TNR: variants seen among roughly 807,000 people sequenced by gnomAD.
TNR encodes tenascin R.
TNR carries 45 observed loss-of-function variants against 150.4 expected under a neutral mutation model. That is an observed-to-expected ratio of 0.30 (90% CI 0.24 to 0.38). The LOEUF (loss-of-function observed/expected upper bound fraction) is 0.38, where lower values mean the gene tolerates loss of function less well. Among genes scored for constraint, TNR ranks in the 10% least tolerant of loss-of-function variants. The pLI is 1.00. For synonymous variants in TNR, 687 were observed against 678.4 expected (o/e 1.01, Z -0.20); for missense variants, 1,544 against 1,759.1 (o/e 0.88, Z 2.19).
chr1:175,493,427 T>C (rs1036546804), intron 2 of TNR, among the ~76,000 whole-genome samples: 1 of 152,112 alleles, frequency 6.6e-6, no homozygotes, highest in African/African-American at 2.4e-5. Context: ...AAGTGAGAGG[T>C]GAGTGCCTCA....
At chr1:175,529,582 A>G (rs1659985241) in intron 1 of TNR, among the ~76,000 whole-genome samples, 1 of 152,230 alleles carries the variant, frequency 6.6e-6, no homozygotes, top group African/African-American at 2.4e-5. Context: ...TATAAATGCC[A>G]GGTATTTTTC....
At chr1:175,507,652 A>G (rs1328214180) in intron 2 of TNR, among the ~76,000 whole-genome samples, 1 of 151,952 alleles carries the variant, frequency 6.6e-6, no homozygotes, top group Non-Finnish European at 1.5e-5. Context: ...TCAGCCTCAC[A>G]TGTTTTCCCA....
intron 2 of TNR, among the ~76,000 whole-genome samples, chr1:175,426,200 A>G (rs1654960850): frequency 6.6e-6 from 1 of 152,258 alleles, no homozygotes; most frequent in African/African-American, 2.4e-5. Flanking sequence ...TCTGGAGAGG[A>G]CACTTTTATG....
At chr1:175,376,786 T>C (rs1652406388) in intron 9 of TNR, among the ~76,000 whole-genome samples, 1 of 151,694 alleles carries the variant, frequency 6.6e-6, no homozygotes, top group Non-Finnish European at 1.5e-5. Context: ...TAAATTATGT[T>C]AAGCTATTTG....
chr1:175,471,094 G>A (rs939803626), intron 2 of TNR, among the ~76,000 whole-genome samples: 13 of 152,316 alleles, frequency 8.5e-5, no homozygotes, highest in East Asian at 3.9e-4. Flanking sequence ...GTTAGTCAGC[G>A]AAGAGAGAAG....
chr1:175,417,043 GA>G (rs1433547637), intron 2 of TNR, among the ~76,000 whole-genome samples: 2 of 99,934 alleles, frequency 2.0e-5, no homozygotes, highest in Non-Finnish European at 4.4e-5. Flanking sequence ...AAGAAAGAAA[GA>G]AAGAAAGAAA....
chr1:175,519,914 T>G (rs1014910542), intron 2 of TNR, among the ~76,000 whole-genome samples: 1 of 152,214 alleles, frequency 6.6e-6, no homozygotes, highest in East Asian at 1.9e-4. Flanking sequence ...AGGGTAGTGC[T>G]TGTGTGAAGG....
intron 20 of TNR, among the ~76,000 whole-genome samples, chr1:175,331,205 C>CCTTCCTTCCTTT (rs1649901400): frequency 7.3e-6 from 1 of 136,132 alleles, no homozygotes; most frequent in African/African-American, 2.8e-5. Flanking sequence ...TTCCTTCCTT[C>CCTTCCTTCCTTT]CTTCCTTCCT....
chr1:175,331,415 C>A (rs1649923764), intron 20 of TNR, among the ~76,000 whole-genome samples: 2 of 152,006 alleles, frequency 1.3e-5, no homozygotes, highest in African/African-American at 2.4e-5. Context: ...AGGCACACGC[C>A]ACCATGCCCA....
intron 2 of TNR, 55 bp from the exon 3 acceptor site, chr1:175,406,832 T>C: frequency 7.4e-7 from 1 of 1,359,546 alleles, no homozygotes; most frequent in Non-Finnish European, 1.0e-6. Context: ...CTTGGCACCA[T>C]GGCTCTGCAC....
chr1:175,538,350 A>G (rs1049303558), intron 1 of TNR, among the ~76,000 whole-genome samples: 5 of 149,992 alleles, frequency 3.3e-5, no homozygotes, highest in Non-Finnish European at 5.9e-5. Context: ...GTTTCCTGAG[A>G]AAAAAAAGGT....
intron 1 of TNR, among the ~76,000 whole-genome samples, chr1:175,553,456 A>T (rs1029891766): frequency 5.9e-5 from 9 of 152,142 alleles, no homozygotes; most frequent in Non-Finnish European, 1.2e-4. Flanking sequence ...GCCGTTTACC[A>T]CTGGGGCCCT....
intron 2 of TNR, among the ~76,000 whole-genome samples, chr1:175,475,481 C>T (rs1209166329): frequency 6.6e-6 from 1 of 152,174 alleles, no homozygotes; most frequent in African/African-American, 2.4e-5. Context: ...CCTTAAAAAC[C>T]TGATCTTTTA....
Position 175,337,609 on chromosome 1 carries a change from A to G in TNR, c.3453T>C (p.Val1151=). ...HLMNGDTLSG[V]YPIFLNGELS... The stretch of plus-strand genomic sequence containing the variant: ...GCTCCCCATTGAGGAAGATGGGGTA[A>G]ACCCCACTCAAAGTGTCTCCATTCA... Residue 1151 remains valine (V), a synonymous_variant, in exon 19 of 23, where the codon GTT becomes GTC. Transcript: ENST00000367674. 5 of 1,614,158 alleles carry G rather than the reference A, an allele frequency of 3.1e-6. No individual in the cohort carries two copies. Among genetic ancestry groups the G allele is most frequent in the Non-Finnish European group, 2.5e-6 (3 of 1,180,010 alleles).
At chr1:175,688,120 T>C (rs1666256343) in intron 1 of TNR, among the ~76,000 whole-genome samples, 1 of 152,226 alleles carries the variant, frequency 6.6e-6, no homozygotes, top group African/African-American at 2.4e-5. Context: ...TGAGCACTTC[T>C]GACATTTCAA....
At chr1:175,513,331 C>T (rs1259424752) in intron 2 of TNR, among the ~76,000 whole-genome samples, 1 of 152,188 alleles carries the variant, frequency 6.6e-6, no homozygotes, top group Non-Finnish European at 1.5e-5. Flanking sequence ...TCCCCTTATT[C>T]ACTAGTGATC....
At chr1:175,442,341 G>T (rs113753992) in intron 2 of TNR, among the ~76,000 whole-genome samples, 130 of 152,268 alleles carry the variant, frequency 8.5e-4, no homozygotes, top group African/African-American at 3.1e-3. Flanking sequence ...TCACAAAAGT[G>T]GTAGGGGGCT....
chr1:175,548,630 A>G (rs1660811169), intron 1 of TNR, among the ~76,000 whole-genome samples: 1 of 150,122 alleles, frequency 6.7e-6, no homozygotes, highest in Non-Finnish European at 1.5e-5. Context: ...GTTACCTGCT[A>G]CTGGCTCTCC....
chr1:175,455,072 T>G (rs377571969), intron 2 of TNR, among the ~76,000 whole-genome samples: 5 of 152,216 alleles, frequency 3.3e-5, no homozygotes, highest in South Asian at 2.1e-4. Context: ...TAAGCCACCA[T>G]GCTGGAGAGG....
Sources: gnomAD v4.1 joint callset for allele counts (sites outside exome capture counted in the v4.1 genomes callset) on GRCh38, gnomAD v4.1.1 for gene constraint, MANE v1.5 for transcripts, NCBI Gene and HGNC (gene_info 2026-07-23, HGNC 2026-07-21) for gene names.